The following STAG1 variants were observed in gnomAD, a reference collection of about 807,000 sequenced individuals.
The protein encoded by STAG1 is STAG1 cohesin complex component, also known as cohesin subunit SA-1.
Under a neutral mutation model 170.9 loss-of-function variants are expected in STAG1, and 26 were observed. That is an observed-to-expected ratio of 0.15 (90% confidence interval 0.11 to 0.21). The LOEUF (loss-of-function observed/expected upper bound fraction) is 0.21. Ranked by LOEUF, STAG1 falls within the 10% of genes least tolerant of loss-of-function variation. The pLI, the probability that STAG1 is intolerant of heterozygous loss-of-function variation, is 1.00. For synonymous variants in STAG1, 514 were observed against 497.7 expected (o/e 1.03, Z -0.44); for missense variants, 964 against 1,509.5 (o/e 0.64, Z 5.99).
intron 10 of STAG1, among the ~76,000 whole-genome samples, chr3:136,475,861 G>A (rs531404698): frequency 6.6e-6 from 1 of 152,262 alleles, no homozygotes; most frequent in South Asian, 2.1e-4. Flanking sequence ...CCAGTTCAAA[G>A]CCAAGTGTTG....
chr3:136,517,752 C>T lies in STAG1; in HGVS notation c.676+3461G>A, dbSNP rs147948526. ...TTCTTACATAAATTAAATCCACAAA[C>T]TGTACTACTATGTCCCACTGAGATA... On this transcript the variant is annotated intron_variant, in intron 7 of 33. Transcript: ENST00000383202. Among the ~76,000 whole-genome samples, 572 of 152,054 alleles carry T rather than the reference C, an allele frequency of 3.8e-3. 3 individuals are homozygous for T. Among genetic ancestry groups the T allele is most frequent in the African/African-American group, 0.013 (540 of 41,524 alleles).
intron 1 of STAG1, among the ~76,000 whole-genome samples, chr3:136,666,810 ACT>A (rs1037044852): frequency 3.3e-5 from 5 of 151,156 alleles, no homozygotes; most frequent in African/African-American, 9.7e-5. Context: ...ACAGAGTGAA[ACT>A]CTGTCTTTAA....
intron 4 of STAG1, among the ~76,000 whole-genome samples, chr3:136,590,450 G>A (rs905589606): frequency 6.0e-5 from 9 of 150,582 alleles, no homozygotes; most frequent in African/African-American, 2.2e-4. Flanking sequence ...CTGAGATCGC[G>A]CCACTGCACT....
At chr3:136,408,728 G>A (rs34913797) in intron 21 of STAG1, among the ~76,000 whole-genome samples, 25,067 of 152,146 alleles carry the variant, frequency 0.16, 2,747 homozygotes, top group Non-Finnish European at 0.24. Flanking sequence ...AAGGTAGACA[G>A]CAAGTAGGAT....
At chr3:136,675,472 C>T (rs1485262601) in intron 1 of STAG1, among the ~76,000 whole-genome samples, 5 of 152,180 alleles carry the variant, frequency 3.3e-5, no homozygotes, top group Non-Finnish European at 5.9e-5. Context: ...AAAGCAAGTG[C>T]AGTCTGGTTT....
At chr3:136,643,263 T>C (rs1195342428) in intron 1 of STAG1, among the ~76,000 whole-genome samples, 1 of 152,236 alleles carries the variant, frequency 6.6e-6, no homozygotes, top group African/African-American at 2.4e-5. Context: ...CTAGGCACTA[T>C]TCTAATTAGC....
At chr3:136,476,771 C>T (rs2089761016) in intron 10 of STAG1, among the ~76,000 whole-genome samples, 1 of 152,108 alleles carries the variant, frequency 6.6e-6, no homozygotes, top group Non-Finnish European at 1.5e-5. Context: ...AATAACTTAT[C>T]ACTCCTACCC....
intron 1 of STAG1, among the ~76,000 whole-genome samples, chr3:136,716,004 A>G (rs1472989441): frequency 6.6e-6 from 1 of 152,166 alleles, no homozygotes; most frequent in Non-Finnish European, 1.5e-5. Flanking sequence ...AGGCTGAAGC[A>G]AGAGAATTGC....
At chr3:136,611,105 A>T (rs1939252584) in intron 3 of STAG1, among the ~76,000 whole-genome samples, 1 of 152,156 alleles carries the variant, frequency 6.6e-6, no homozygotes. Context: ...AAACTCGTTT[A>T]TGTTTCACAT....
At chr3:136,678,033 C>G (rs1293836155) in intron 1 of STAG1, among the ~76,000 whole-genome samples, 1 of 149,096 alleles carries the variant, frequency 6.7e-6, no homozygotes, top group African/African-American at 2.4e-5. Context: ...AAAGTTGGCA[C>G]TAGTATGAAG....
chr3:136,662,057 C>T (rs1234930730), intron 1 of STAG1, among the ~76,000 whole-genome samples: 1 of 152,158 alleles, frequency 6.6e-6, no homozygotes, highest in Admixed American at 6.6e-5. Flanking sequence ...TCTCTAATCA[C>T]CTCACACCTT....
intron 1 of STAG1, among the ~76,000 whole-genome samples, chr3:136,744,640 A>G (rs1284066937): frequency 2.0e-5 from 3 of 148,534 alleles, no homozygotes; most frequent in Admixed American, 2.0e-4. Flanking sequence ...AGCTGCTGTG[A>G]GTCGTGACAT....
At chr3:136,448,121 G>C (rs1193587728) in intron 14 of STAG1, among the ~76,000 whole-genome samples, 2 of 152,118 alleles carry the variant, frequency 1.3e-5, no homozygotes, top group African/African-American at 2.4e-5. Context: ...TTACTGACTT[G>C]TTTATGCAGA....
At chr3:136,473,808 A>T (rs2089680940) in intron 10 of STAG1, among the ~76,000 whole-genome samples, 171 bp from the exon 11 acceptor site, 1 of 152,140 alleles carries the variant, frequency 6.6e-6, no homozygotes, top group South Asian at 2.1e-4. Flanking sequence ...ATATGTAAAA[A>T]AAAAAAAAAA....
intron 3 of STAG1, among the ~76,000 whole-genome samples, chr3:136,618,236 T>C (rs1246272143): frequency 6.6e-6 from 1 of 152,126 alleles, no homozygotes; most frequent in African/African-American, 2.4e-5. Context: ...ACTCACCCCG[T>C]CACTCTCTTT....
At chr3:136,435,615 T>C (rs1488379558) in intron 15 of STAG1, among the ~76,000 whole-genome samples, 2 of 152,214 alleles carry the variant, frequency 1.3e-5, no homozygotes, top group African/African-American at 4.8e-5. Context: ...AGATCTTAAG[T>C]CATTTAATTA....
chr3:136,347,754 T>C (rs767250976), intron 29 of STAG1, among the ~76,000 whole-genome samples: 3 of 152,232 alleles, frequency 2.0e-5, no homozygotes, highest in Non-Finnish European at 4.4e-5. Context: ...TATTGAATGC[T>C]ACCTATGTGC....
intron 29 of STAG1, 56 bp from the exon 30 acceptor site, chr3:136,344,062 C>G: frequency 7.3e-7 from 1 of 1,367,454 alleles, no homozygotes; most frequent in Non-Finnish European, 9.9e-7. Flanking sequence ...ACTCTGGTAG[C>G]AGTCATAGCA....
At chr3:136,527,775 C>T (rs538265529) in intron 6 of STAG1, among the ~76,000 whole-genome samples, 16 of 152,160 alleles carry the variant, frequency 1.1e-4, no homozygotes, top group African/African-American at 2.9e-4. Context: ...TGTGGATGTC[C>T]TTTCTGTTTG....
Sources: allele counts gnomAD v4.1 joint callset (sites outside exome capture counted in the v4.1 genomes callset), GRCh38; gene constraint gnomAD v4.1.1; transcripts MANE v1.5; gene names NCBI Gene and HGNC (gene_info 2026-07-23, HGNC 2026-07-21).